PAQR8: variants seen among roughly 807,000 people sequenced by gnomAD.
PAQR8 encodes progestin and adipoQ receptor family member 8.
In PAQR8, 17 loss-of-function variants were observed where a neutral mutation model predicts 25.2. That is an observed-to-expected ratio of 0.67 (90% CI 0.46 to 1.01). The LOEUF (loss-of-function observed/expected upper bound fraction) is 1.01, where lower values mean the gene tolerates loss of function less well. PAQR8 is among the 50% of genes least tolerant of loss of function. PAQR8 has a pLI of 0.00. For missense variants in PAQR8, 392 were observed against 448.4 expected, an observed-to-expected ratio of 0.87 and a Z score of 1.14; for synonymous variants, 204 against 190.6, an observed-to-expected ratio of 1.07 and a Z score of -0.58.
chr6:52,379,096 CAAAAAAAAAAA>C (rs70977347), intron 1 of PAQR8, among the ~76,000 whole-genome samples: 2 of 93,000 alleles, frequency 2.2e-5, no homozygotes, highest in African/African-American at 3.9e-5. Context: ...TACTCTTTAT[CAAAAAAAAAAA>C]AAAAAAAAAA....
chr6:52,403,768 C>G lies in PAQR8; in HGVS notation c.555C>G (p.Phe185Leu). ...FWLFFLPAAAFCGWLSCAGCC... is the reference protein window; with the variant it reads ...FWLFFLPAAALCGWLSCAGCC... Reference sequence around the variant, plus strand: ...TTTTCTTCTTGCCAGCAGCTGCCTTCTGTGGCTGGTTATCTTGTGCTGGCT... The same window carrying G: ...TTTTCTTCTTGCCAGCAGCTGCCTTGTGTGGCTGGTTATCTTGTGCTGGCT... Residue 185 changes from phenylalanine to leucine, a missense_variant, in exon 2 of 2, where the codon TTC becomes TTG. Transcript: ENST00000442253. 6.2e-7 allele frequency: 1 copy of G among 1,614,260 alleles called. No homozygotes were observed. Among genetic ancestry groups the G allele is most frequent in the Non-Finnish European group, 8.5e-7 (1 of 1,180,044 alleles).
intron 1 of PAQR8, among the ~76,000 whole-genome samples, chr6:52,390,551 G>T (rs1256434284): frequency 6.6e-6 from 1 of 152,144 alleles, no homozygotes; most frequent in Non-Finnish European, 1.5e-5. Flanking sequence ...TATAGGCACG[G>T]TTCAGCCGTA....
At chr6:52,379,605 C>T (rs1763528037) in intron 1 of PAQR8, among the ~76,000 whole-genome samples, 1 of 142,886 alleles carries the variant, frequency 7.0e-6, no homozygotes, top group African/African-American at 2.6e-5. Flanking sequence ...GTGCGTACCG[C>T]CACACCCAGC....
rs5876275 is a variant in PAQR8, at chr6:52,407,678, CAAAAAAAAAAAAAAAAAAA to C, written c.*3414_*3432del. The C allele has an allele frequency of 4.1e-5, 3 of 72,812 alleles. No individual in the cohort carries two copies. The highest frequency in any genetic ancestry group is 5.0e-4 in the East Asian group (1 of 1,986). The allele number at this position is 72,812 out of a possible 1,614,324, so 4.5% of individuals were successfully genotyped here. On this transcript the variant is annotated 3_prime_UTR_variant, in exon 2 of 2. Coordinates refer to ENST00000442253, the MANE Select transcript of PAQR8 (RefSeq NM_133367.5). The stretch of plus-strand genomic sequence containing the variant: ...TTGGTCTTGTGTTTTGCTTGCTTGG[CAAAAAAAAAAAAAAAAAAA>C]AAAAAAAAAAAAATGGAGCTATTTT...
rs1339833197 is a variant in PAQR8 at position 52,404,012 on chromosome 6, C to A, written c.799C>A (p.Pro267Thr). The A allele has an allele frequency of 6.2e-7, 1 of 1,614,094 alleles. No individual in the cohort carries two copies. Among genetic ancestry groups the A allele is most frequent in the African/African-American group, 1.3e-5 (1 of 74,924 alleles). Residue 267 changes from proline (P) to threonine (T), a missense_variant, in exon 2 of 2, where the codon CCT (proline) becomes ACT (threonine). Coordinates refer to ENST00000442253, the MANE Select transcript of PAQR8 (RefSeq NM_133367.5). The part of the protein sequence containing the change: ...VSAYFFSCPV[P>T]EKYFPGSCDI... ...CGCTTATTTCTTCTCCTGCCCCGTG[C>A]CTGAGAAGTACTTCCCGGGTTCCTG... is the stretch of plus-strand genomic sequence containing the variant.
Position 52,405,883 on chromosome 6 carries a change from G to C in PAQR8, c.*1605G>C, listed in dbSNP as rs1459293360. ...AAAAATATATATTGCTCTTCAACTA[G>C]TGAATGAAAGAAACTTCAGAAAGCT... On this transcript the variant is annotated 3_prime_UTR_variant, in exon 2 of 2. Transcript: ENST00000442253. The C allele has an allele frequency of 6.0e-6, 1 of 166,916 alleles. No homozygotes were observed. Among genetic ancestry groups the C allele is most frequent in the Non-Finnish European group, 1.5e-5 (1 of 68,118 alleles). 10.3% of individuals were successfully genotyped at this position (166,916 alleles called of 1,614,324 possible).
In PAQR8 at chr6:52,403,235, C is replaced by T. The variant is rs753612265; in HGVS notation, c.22C>T (p.Arg8Cys). MTTAILE[R>C]LSTLSVSGQQ... is the part of the protein sequence containing the mutation. ...TGCCATGACGACCGCCATCTTGGAG[C>T]GCCTGAGCACCCTGTCGGTCAGCGG... Residue 8 changes from arginine to cysteine, a missense_variant, in exon 2 of 2, where the codon CGC (arginine) becomes TGC (cysteine). Transcript: ENST00000442253. The T allele has an allele frequency of 6.9e-6, 11 of 1,598,012 alleles. No homozygotes were observed. In the South Asian group the frequency reaches 8.8e-5, roughly 13 times the overall value.
intron 1 of PAQR8, among the ~76,000 whole-genome samples, chr6:52,383,387 C>T (rs1175272465): frequency 6.6e-6 from 1 of 152,166 alleles, no homozygotes; most frequent in Non-Finnish European, 1.5e-5. Context: ...TTCGGCCGGG[C>T]GCGGTGGCTC....
chr6:52,373,736 C>T lies in PAQR8; in HGVS notation c.-53+11487C>T, dbSNP rs566025764. On this transcript the variant is annotated intron_variant, in intron 1 of 1. Transcript: ENST00000442253. ...TTGGATAAGCTGGCTACAAAAGGAT[C>T]TGTTTTTTTTTTTTTTCCTCAGATG... is the stretch of plus-strand genomic sequence containing the variant. 1.1e-4 allele frequency: 16 copies of T among 146,910 alleles called. No homozygotes were observed. In the East Asian group the frequency reaches 3.2e-3, roughly 29 times the overall value. 9.1% of individuals were successfully genotyped at this position (146,910 alleles called of 1,614,324 possible). A position where few individuals can be genotyped will look rare whatever the true frequency, so the allele number is the denominator to read the frequency against.
chr6:52,362,265 G>A lies in PAQR8; in HGVS notation c.-53+16G>A, dbSNP rs1490909026. The A allele has an allele frequency of 6.6e-6, 1 of 152,212 alleles. No individual in the cohort carries two copies. The highest frequency in any genetic ancestry group is 2.1e-4 in the South Asian group (1 of 4,838). The allele number at this position is 152,212 out of a possible 1,614,324, so 9.4% of individuals were successfully genotyped here. On this transcript the variant is annotated intron_variant, in intron 1 of 1. Coordinates refer to ENST00000442253, the MANE Select transcript of PAQR8 (RefSeq NM_133367.5). This position sits in a 1 kb window ranked among gnomAD's most constrained non-coding sequence, Gnocchi z 4.1. Reference sequence around the variant, plus strand: ...GCCCCTGCCGGTGAGTCCCGCCGCGGGAGGCGCGGAACGGGTCGAGTTGGG... The same window carrying A: ...GCCCCTGCCGGTGAGTCCCGCCGCGAGAGGCGCGGAACGGGTCGAGTTGGG...
intron 1 of PAQR8, among the ~76,000 whole-genome samples, chr6:52,371,633 G>A (rs1763420308): frequency 6.6e-6 from 1 of 152,054 alleles, no homozygotes; most frequent in Admixed American, 6.5e-5. Context: ...GAGAACCATT[G>A]GGTCTAAATA....
intron 1 of PAQR8, among the ~76,000 whole-genome samples, chr6:52,372,980 G>A (rs895168428): frequency 3.9e-5 from 6 of 152,116 alleles, no homozygotes; most frequent in East Asian, 3.8e-4. Flanking sequence ...TGTAACTGAC[G>A]GAGTCAGGAT....
At position 52,403,591 on chromosome 6, in the gene PAQR8, C is replaced by A; in HGVS notation, c.378C>A (p.Ser126Arg). Residue 126 changes from serine (S) to arginine (R), a missense_variant, in exon 2 of 2, where the codon AGC becomes AGA. By Grantham distance (110) the Ser-to-Arg change is moderately radical. Coordinates refer to ENST00000442253, the MANE Select transcript of PAQR8 (RefSeq NM_133367.5). ...CGTCAATCACTTACCTCACCTGCAG[C>A]CTTCTGGCCCACCTGCTGCAGTCCA... ...ILSSITYLTC[S>R]LLAHLLQSKS... is the part of the protein sequence containing the mutation. 6.2e-7 allele frequency: 1 copy of A among 1,614,132 alleles called. No individual in the cohort carries two copies. The highest frequency in any genetic ancestry group is 8.5e-7 in the Non-Finnish European group (1 of 1,180,048).
At chr6:52,387,089 T>A (rs1763641423) in intron 1 of PAQR8, among the ~76,000 whole-genome samples, 1 of 152,150 alleles carries the variant, frequency 6.6e-6, no homozygotes, top group Non-Finnish European at 1.5e-5. Flanking sequence ...TTGGCTCACT[T>A]CTCTGCAACT....
intron 1 of PAQR8, among the ~76,000 whole-genome samples, chr6:52,394,424 T>C (rs1763744059): frequency 6.6e-6 from 1 of 152,180 alleles, no homozygotes; most frequent in Admixed American, 6.5e-5. Flanking sequence ...AACCAAACCT[T>C]AAGAATACAG....
At chr6:52,364,892 G>T (rs959656935) in intron 1 of PAQR8, among the ~76,000 whole-genome samples, 1 of 152,172 alleles carries the variant, frequency 6.6e-6, no homozygotes, top group Non-Finnish European at 1.5e-5. Flanking sequence ...GAAATTTTGA[G>T]TACAACATTT....
intron 1 of PAQR8, among the ~76,000 whole-genome samples, chr6:52,373,216 C>T (rs1352222351): frequency 1.3e-5 from 2 of 152,138 alleles, no homozygotes; most frequent in African/African-American, 4.8e-5. Flanking sequence ...GTGAAAGGCC[C>T]GTCTGAAAGA....
rs1763884303 is a variant in PAQR8, at chr6:52,404,463, T to C, written c.*185T>C. The C allele has an allele frequency of 6.7e-6, 4 of 600,476 alleles. No individual in the cohort carries two copies. Among genetic ancestry groups the C allele is most frequent in the Non-Finnish European group, 1.2e-5 (4 of 344,912 alleles). 37.2% of individuals were successfully genotyped at this position (600,476 alleles called of 1,614,324 possible). Reference sequence around the variant, plus strand: ...TTGTTGTTGTTAATAAAAGGAATACTCCTTTTCCTTTTGGATCATAGCTTA... The same window carrying C: ...TTGTTGTTGTTAATAAAAGGAATACCCCTTTTCCTTTTGGATCATAGCTTA... On this transcript the variant is annotated 3_prime_UTR_variant, in exon 2 of 2. Coordinates refer to ENST00000442253, the MANE Select transcript of PAQR8 (RefSeq NM_133367.5).
chr6:52,379,391 T>A (rs1298887839), intron 1 of PAQR8, among the ~76,000 whole-genome samples: 3 of 152,178 alleles, frequency 2.0e-5, no homozygotes, highest in Non-Finnish European at 4.4e-5. Flanking sequence ...GTGAATTGAT[T>A]TAACACTACT....
Sources: allele counts gnomAD v4.1 joint callset (sites outside exome capture counted in the v4.1 genomes callset), GRCh38; gene constraint gnomAD v4.1.1; non-coding constraint Gnocchi (gnomAD v3.1); transcripts MANE v1.5; gene names NCBI Gene and HGNC (gene_info 2026-07-23, HGNC 2026-07-21).